QTGAL: variants seen among roughly 807,000 people sequenced by gnomAD.
QTGAL encodes the protein queuosine-tRNA galactosyltransferase.
chr17:82,995,777 C>T, the QTGAL span, among the ~76,000 whole-genome samples: 1 of 152,084 alleles, frequency 6.6e-6, no homozygotes, highest in Non-Finnish European at 1.5e-5. Flanking sequence ...AATAAAATAT[C>T]TAGGAATTAA....
chr17:83,017,490 C>T, the QTGAL span, among the ~76,000 whole-genome samples: 1 of 151,990 alleles, frequency 6.6e-6, no homozygotes, highest in Non-Finnish European at 1.5e-5. Context: ...GAGTATGGTG[C>T]TGCACGCCTG....
chr17:82,963,140 C>CT, the QTGAL span, among the ~76,000 whole-genome samples: 1 of 152,190 alleles, frequency 6.6e-6, no homozygotes, highest in African/African-American at 2.4e-5. Context: ...CAGAACCATC[C>CT]TCGGGCAGCC....
the QTGAL span, among the ~76,000 whole-genome samples, chr17:82,963,622 C>T: frequency 6.6e-6 from 1 of 152,028 alleles, no homozygotes; most frequent in Non-Finnish European, 1.5e-5. Context: ...GGGGAGGTGG[C>T]GGAGACCCAT....
chr17:83,005,943 A>G, the QTGAL span: 1 of 1,221,990 alleles, frequency 8.2e-7, no homozygotes. The surrounding 1 kb of genome is among the most constrained non-coding windows in gnomAD (Gnocchi z 5.6). Flanking sequence ...CCTGAGATCC[A>G]GAGGTAGGAG....
At chr17:82,976,579 G>C in the QTGAL span, among the ~76,000 whole-genome samples, 1 of 97,486 alleles carries the variant, frequency 1.0e-5, no homozygotes, top group Non-Finnish European at 2.0e-5. Flanking sequence ...TGGGGAACAA[G>C]GGCCCCGGGA....
the QTGAL span, among the ~76,000 whole-genome samples, chr17:82,982,013 C>T: frequency 2.6e-5 from 4 of 151,394 alleles, no homozygotes; most frequent in East Asian, 3.9e-4. Flanking sequence ...ATGGGCCGAG[C>T]GGGTGGAGGA....
chr17:82,946,856 G>T, the QTGAL span: 1 of 1,499,644 alleles, frequency 6.7e-7, no homozygotes, highest in African/African-American at 1.4e-5. Context: ...AAACCCAGAT[G>T]GTTCTTCGGT....
the QTGAL span, among the ~76,000 whole-genome samples, chr17:83,000,413 G>A: frequency 2.0e-5 from 3 of 152,216 alleles, no homozygotes; most frequent in Non-Finnish European, 4.4e-5. Context: ...CAGTCGTGCA[G>A]CACGCACTGC....
At chr17:83,002,810 T>C in the QTGAL span, among the ~76,000 whole-genome samples, 1 of 152,162 alleles carries the variant, frequency 6.6e-6, no homozygotes, top group Non-Finnish European at 1.5e-5. Flanking sequence ...ACGGAGACGC[T>C]GAAACACTAG....
the QTGAL span, among the ~76,000 whole-genome samples, chr17:82,986,833 G>A: frequency 9.2e-5 from 14 of 152,216 alleles, no homozygotes; most frequent in African/African-American, 2.7e-4. Flanking sequence ...ATGTTGGGGC[G>A]TATTACTCCC....
chr17:82,946,970 C>T, the QTGAL span: 2 of 1,563,032 alleles, frequency 1.3e-6, no homozygotes, highest in African/African-American at 2.7e-5. Flanking sequence ...CTCAAAGGCG[C>T]CCCCTGTGAG....
chr17:82,977,850 A>G, the QTGAL span, among the ~76,000 whole-genome samples: 2 of 152,102 alleles, frequency 1.3e-5, no homozygotes, highest in Non-Finnish European at 2.9e-5. Flanking sequence ...GAGCATGGAA[A>G]CGTACGCTCT....
At chr17:83,050,240 C>T in the QTGAL span, among the ~76,000 whole-genome samples, 179 of 152,236 alleles carry the variant, frequency 1.2e-3, no homozygotes, top group African/African-American at 4.0e-3. Flanking sequence ...TGTGGTGGTG[C>T]ATGCCTGTAA....
the QTGAL span, among the ~76,000 whole-genome samples, chr17:83,024,843 T>C: frequency 1.1e-4 from 16 of 152,248 alleles, no homozygotes; most frequent in African/African-American, 3.6e-4. Flanking sequence ...TGGGCCGTGC[T>C]GCTCAGGGGT....
the QTGAL span, chr17:82,956,733 G>T: frequency 1.3e-6 from 2 of 1,590,164 alleles, no homozygotes; most frequent in African/African-American, 2.7e-5. The surrounding 1 kb of genome is among the most constrained non-coding windows in gnomAD (Gnocchi z 5.7). Flanking sequence ...CGGGCGGCTC[G>T]GAAGTGCAGG....
the QTGAL span, among the ~76,000 whole-genome samples, chr17:82,987,469 G>A: frequency 6.6e-5 from 10 of 152,106 alleles, no homozygotes; most frequent in East Asian, 3.8e-4. Flanking sequence ...TGGGTATAAC[G>A]GTTAATGAGC....
At chr17:82,942,574 G>A in the QTGAL span, 3 of 1,489,516 alleles carry the variant, frequency 2.0e-6, no homozygotes, top group Non-Finnish European at 2.8e-6. Flanking sequence ...TTGAAGGGTA[G>A]CGCTGGCCCT....
At chr17:82,992,416 T>C in the QTGAL span, among the ~76,000 whole-genome samples, 3 of 152,300 alleles carry the variant, frequency 2.0e-5, no homozygotes, top group Non-Finnish European at 2.9e-5. Context: ...GCATGACATA[T>C]GTAACGTGCT....
the QTGAL span, among the ~76,000 whole-genome samples, chr17:83,020,295 C>T: frequency 1.9e-4 from 29 of 152,208 alleles, 1 homozygote; most frequent in Admixed American, 5.2e-4. Context: ...GAAGAAATGA[C>T]GGCTAAGAAA....
Sources: gnomAD v4.1 joint callset for allele counts (sites outside exome capture counted in the v4.1 genomes callset) on GRCh38, gnomAD v4.1.1 for gene constraint, Gnocchi (gnomAD v3.1) non-coding constraint, MANE v1.5 for transcripts, NCBI Gene and HGNC (gene_info 2026-07-23, HGNC 2026-07-21) for gene names.